Variants in R3HDM1 observed in about 807,000 individuals in gnomAD.
R3HDM1 encodes R3H domain-containing protein 1.
Under a neutral mutation model 141.1 loss-of-function variants are expected in R3HDM1, and 46 were observed. The ratio of observed to expected loss-of-function variants is 0.33; its 90% confidence interval spans 0.26 to 0.42. The LOEUF (loss-of-function observed/expected upper bound fraction) is 0.42, where lower values mean the gene tolerates loss of function less well. R3HDM1 is among the 10% of genes least tolerant of loss of function. The pLI is 1.00. For synonymous variants in R3HDM1, 435 were observed against 472.9 expected, an observed-to-expected ratio of 0.92 and a Z score of 1.04; for missense variants, 1,184 against 1,368.3, an observed-to-expected ratio of 0.87 and a Z score of 2.12.
rs79192518 is a variant in R3HDM1 at position 135,546,342 on chromosome 2, C to T, written c.-250+14709C>T. 9.8e-3 allele frequency among the ~76,000 whole-genome samples: 1,494 copies of T among 152,084 alleles called. 23 individuals are homozygous for T. The highest frequency in any genetic ancestry group is 0.034 in the African/African-American group (1,425 of 41,474). ...GCATCAGTGTCAATGTCACCTGTGC[C>T]CTCTTCCCTTCCCTTCCTCTCCACC... On this transcript the variant is annotated intron_variant, in intron 1 of 26. Transcript: ENST00000683871.
chr2:135,724,541 G>A lies in R3HDM1; in HGVS notation c.*249G>A. 1 of 395,772 alleles carries A rather than the reference G, an allele frequency of 2.5e-6. No homozygotes were observed. Among genetic ancestry groups the A allele is most frequent in the Non-Finnish European group, 4.5e-6 (1 of 223,702 alleles). 24.5% of individuals were successfully genotyped at this position (395,772 alleles called of 1,614,324 possible). On this transcript the variant is annotated 3_prime_UTR_variant, in exon 27 of 27. Coordinates refer to ENST00000683871, the MANE Select transcript of R3HDM1 (RefSeq NM_001378107.1). ...TTTTCTAAGGAAATGCCATTCAAAT[G>A]CCTCCTAACTTTTATAGTTATTTTG...
At chr2:135,700,722 C>T (rs2074077128) in intron 21 of R3HDM1, among the ~76,000 whole-genome samples, 1 of 152,056 alleles carries the variant, frequency 6.6e-6, no homozygotes, top group Non-Finnish European at 1.5e-5. Context: ...GAAATAGCAG[C>T]CATGAAATAT....
In R3HDM1 at chr2:135,580,143, C is replaced by T. The variant is rs144216840; in HGVS notation, c.-249-22357C>T. ...CATGCACCCTTTAGTCCTAGCTACT[C>T]GGGAGGTTTATGTGGGAGGATGGCT... On this transcript the variant is annotated intron_variant, in intron 1 of 26. Coordinates refer to ENST00000683871, the MANE Select transcript of R3HDM1 (RefSeq NM_001378107.1). Among the ~76,000 whole-genome samples, 19 of 152,100 alleles carry T rather than the reference C, an allele frequency of 1.2e-4. No individual in the cohort carries two copies. In the East Asian group the frequency reaches 3.1e-3, roughly 25 times the overall value.
intron 1 of R3HDM1, among the ~76,000 whole-genome samples, chr2:135,601,767 AT>A (rs1355685196): frequency 6.6e-6 from 1 of 152,092 alleles, no homozygotes; most frequent in Non-Finnish European, 1.5e-5. Flanking sequence ...AACTAAAGCT[AT>A]TCTCCCACCT....
At chr2:135,568,371 C>T (rs1204634860) in intron 1 of R3HDM1, among the ~76,000 whole-genome samples, 3 of 146,468 alleles carry the variant, frequency 2.0e-5, no homozygotes, top group Admixed American at 6.8e-5. Context: ...TTGTTTGAGG[C>T]GGAGTTTTGC....
At position 135,553,533 on chromosome 2, in the gene R3HDM1, C is replaced by T. The variant is rs1573717582; in HGVS notation, c.-250+21900C>T. 2.6e-5 allele frequency among the ~76,000 whole-genome samples: 4 copies of T among 152,130 alleles called. No homozygotes were observed. The South Asian group carries it at 8.3e-4, about 32-fold the overall frequency. On this transcript the variant is annotated intron_variant, in intron 1 of 26. Transcript: ENST00000683871. ...CAGGAGCATCAAAATATTTGAATGT[C>T]GGTCAAGCTGATGCCCGATCAAGCA...
chr2:135,562,703 G>A (rs896547048), intron 1 of R3HDM1, among the ~76,000 whole-genome samples: 1 of 152,170 alleles, frequency 6.6e-6, no homozygotes, highest in Non-Finnish European at 1.5e-5. Flanking sequence ...GTGGCCAGGT[G>A]CTTTCATCTT....
At chr2:135,654,427 T>TTTGTTGTTGTTGTTG (rs35477275) in intron 18 of R3HDM1, among the ~76,000 whole-genome samples, 1 of 149,104 alleles carries the variant, frequency 6.7e-6, no homozygotes, top group Non-Finnish European at 1.5e-5. Context: ...AATGTTTTCT[T>TTTGTTGTTGTTGTTG]TTGTTGTTGT....
chr2:135,699,036 TAGATAGATAAGA>T (rs1294795680), intron 21 of R3HDM1, among the ~76,000 whole-genome samples: 91 of 108,418 alleles, frequency 8.4e-4, no homozygotes, highest in African/African-American at 2.8e-3. Context: ...GATAGATAGA[TAGATAGATAAGA>T]TAGATAAGAT....
chr2:135,674,317 T>C (rs1392551232), intron 19 of R3HDM1, among the ~76,000 whole-genome samples: 1 of 152,224 alleles, frequency 6.6e-6, no homozygotes, highest in Admixed American at 6.5e-5. Context: ...ATTTATGGTA[T>C]TATCAGGGAA....
chr2:135,546,422 C>A (rs978230901), intron 1 of R3HDM1, among the ~76,000 whole-genome samples: 2 of 152,106 alleles, frequency 1.3e-5, no homozygotes, highest in Non-Finnish European at 2.9e-5. Flanking sequence ...TTTGTTTGCA[C>A]TCAAGACCCT....
chr2:135,643,082 T>C (rs1291877003), intron 15 of R3HDM1, among the ~76,000 whole-genome samples: 1 of 152,192 alleles, frequency 6.6e-6, no homozygotes, highest in Non-Finnish European at 1.5e-5. Context: ...CTGATTGGTC[T>C]GAAATTGAAT....
intron 5 of R3HDM1, among the ~76,000 whole-genome samples, chr2:135,618,892 C>T (rs1224630116): frequency 6.6e-6 from 1 of 151,984 alleles, no homozygotes; most frequent in Non-Finnish European, 1.5e-5. Context: ...TGGTGGCACA[C>T]GCCTGTAATC....
intron 1 of R3HDM1, among the ~76,000 whole-genome samples, chr2:135,562,540 T>C (rs1348748958): frequency 6.6e-6 from 1 of 152,182 alleles, no homozygotes. Flanking sequence ...AAGCCATAAG[T>C]CTTAAACTTA....
chr2:135,709,405 T>A, intron 21 of R3HDM1, 28 bp from the exon 22 acceptor site: 1 of 1,612,234 alleles, frequency 6.2e-7, no homozygotes, highest in Non-Finnish European at 8.5e-7. Flanking sequence ...CCTCCTCTCA[T>A]TATGCTGTTT....
intron 19 of R3HDM1, among the ~76,000 whole-genome samples, chr2:135,663,225 T>A (rs1239308804): frequency 3.3e-5 from 5 of 151,968 alleles, no homozygotes; most frequent in Non-Finnish European, 7.4e-5. Flanking sequence ...ACAGATAGCA[T>A]GTGTTTATCA....
chr2:135,683,218 T>A (rs1187847752), intron 21 of R3HDM1, among the ~76,000 whole-genome samples: 1 of 152,034 alleles, frequency 6.6e-6, no homozygotes. Context: ...CTTGGTACAT[T>A]TTGGACTAGT....
At chr2:135,605,232 A>T (rs2059943887) in intron 3 of R3HDM1, 1 of 311,492 alleles carries the variant, frequency 3.2e-6, no homozygotes, top group Non-Finnish European at 5.9e-6. Context: ...GTATGTGGCT[A>T]GTGCATTTTT....
intron 1 of R3HDM1, among the ~76,000 whole-genome samples, chr2:135,588,118 A>T (rs1708367557): frequency 6.6e-5 from 9 of 137,046 alleles, no homozygotes; most frequent in African/African-American, 1.6e-4. Flanking sequence ...TGCCCCTCTG[A>T]CTCTCTCTCC....
Sources: allele counts gnomAD v4.1 joint callset (sites outside exome capture counted in the v4.1 genomes callset), GRCh38; gene constraint gnomAD v4.1.1; transcripts MANE v1.5; gene names NCBI Gene and HGNC (gene_info 2026-07-23, HGNC 2026-07-21).